The following TLE1 variants were observed in gnomAD, a reference collection of about 807,000 sequenced individuals.
TLE1 encodes transducin-like enhancer protein 1.
Under a neutral mutation model 89.8 loss-of-function variants are expected in TLE1, and 21 were observed. That is an observed-to-expected ratio of 0.23 (90% CI 0.17 to 0.34). The LOEUF (loss-of-function observed/expected upper bound fraction) is 0.34. Among genes scored for constraint, TLE1 ranks in the 10% least tolerant of loss-of-function variants. TLE1 has a pLI of 1.00. For missense variants in TLE1, 795 were observed against 1,031.2 expected (o/e 0.77, Z 3.14); for synonymous variants, 447 against 407.6 (o/e 1.10, Z -1.16).
intron 4 of TLE1, among the ~76,000 whole-genome samples, chr9:81,670,313 T>C (rs1266557190): frequency 6.6e-6 from 1 of 152,016 alleles, no homozygotes; most frequent in Non-Finnish European, 1.5e-5. Flanking sequence ...CAATGCAAAG[T>C]CTACACAAAA....
At position 81,591,069 on chromosome 9, in the gene TLE1, A is replaced by G; in HGVS notation, c.1582-17T>C. 6.2e-7 allele frequency: 1 copy of G among 1,604,390 alleles called. No homozygotes were observed. On this transcript the variant is annotated splice_polypyrimidine_tract_variant and intron_variant, in intron 15 of 19. Transcript: ENST00000376499. ...GTCTCTGTTCTGTAGAATAAACATA[A>G]TTCATTGCTATAATGAATTACCGAG...
intron 14 of TLE1, among the ~76,000 whole-genome samples, chr9:81,608,117 TA>T (rs1831927234): frequency 1.3e-5 from 2 of 152,100 alleles, no homozygotes; most frequent in Non-Finnish European, 2.9e-5. Flanking sequence ...CTGCTCAAAA[TA>T]ATTCACCATG....
chr9:81,591,113 C>G, intron 15 of TLE1, 61 bp from the exon 16 acceptor site: 1 of 1,566,444 alleles, frequency 6.4e-7, no homozygotes, highest in Admixed American at 1.8e-5. Flanking sequence ...GCACCATGTT[C>G]TCTAATGGCT....
intron 7 of TLE1, 59 bp from the exon 8 acceptor site, chr9:81,633,423 A>C: frequency 1.2e-6 from 2 of 1,613,448 alleles, no homozygotes; most frequent in Non-Finnish European, 1.7e-6. Context: ...AGAGGCAAGA[A>C]CAGAAATAAA....
intron 11 of TLE1, among the ~76,000 whole-genome samples, 179 bp downstream of exon 11, chr9:81,615,803 G>A (rs1240059266): frequency 6.6e-6 from 1 of 151,982 alleles, no homozygotes; most frequent in Admixed American, 6.6e-5. Context: ...AGAGATGACT[G>A]AGGGGAAAAA....
intron 14 of TLE1, among the ~76,000 whole-genome samples, chr9:81,598,101 A>T (rs1460248899): frequency 6.6e-6 from 1 of 152,148 alleles, no homozygotes; most frequent in East Asian, 1.9e-4. Flanking sequence ...TGGATGTGAA[A>T]TTGTTAGCTA....
At chr9:81,596,955 C>G (rs543293500) in intron 14 of TLE1, among the ~76,000 whole-genome samples, 16 of 152,230 alleles carry the variant, frequency 1.1e-4, no homozygotes, top group Admixed American at 4.6e-4. Flanking sequence ...TTTACTTATT[C>G]AAGAGGAAGT....
chr9:81,631,774 T>C (rs967539503), intron 8 of TLE1, among the ~76,000 whole-genome samples: 1 of 152,090 alleles, frequency 6.6e-6, no homozygotes, highest in Non-Finnish European at 1.5e-5. Context: ...CAGGGTTAGG[T>C]TTTTAAATTT....
intron 4 of TLE1, among the ~76,000 whole-genome samples, chr9:81,666,203 T>C (rs1195385341): frequency 1.3e-5 from 2 of 152,152 alleles, no homozygotes; most frequent in Non-Finnish European, 2.9e-5. Flanking sequence ...GAAAATGCAC[T>C]CTGTGGTGGA....
chr9:81,640,765 G>A (rs1196279123), intron 6 of TLE1, among the ~76,000 whole-genome samples: 1 of 152,106 alleles, frequency 6.6e-6, no homozygotes, highest in Non-Finnish European at 1.5e-5. Context: ...TACTGTAATG[G>A]TATAGTTTCT....
In TLE1 at chr9:81,642,612, T is replaced by A. The variant is rs1019948098; in HGVS notation, c.373-8311A>T. On this transcript the variant is annotated intron_variant, in intron 6 of 19. Transcript: ENST00000376499. ...CAGAGGCTGAGGCAGGAGAACTGCT[T>A]GAACCCAAGAGATAGAGGTTGCAGT... is the stretch of plus-strand genomic sequence containing the variant. Among the ~76,000 whole-genome samples, 4 of 151,922 alleles carry A rather than the reference T, an allele frequency of 2.6e-5. No individual in the cohort carries two copies. The East Asian group carries it at 7.7e-4, about 29-fold the overall frequency.
At chr9:81,646,407 C>T (rs1214869478) in intron 6 of TLE1, among the ~76,000 whole-genome samples, 2 of 152,062 alleles carry the variant, frequency 1.3e-5, no homozygotes, top group African/African-American at 2.4e-5. Context: ...TCACTAAATA[C>T]AAGTTAGTAG....
chr9:81,645,405 AT>A (rs1041046664), intron 6 of TLE1, among the ~76,000 whole-genome samples: 1 of 150,852 alleles, frequency 6.6e-6, no homozygotes, highest in Non-Finnish European at 1.5e-5. Context: ...TTCAATTGTA[AT>A]TTTAAAATAA....
intron 6 of TLE1, among the ~76,000 whole-genome samples, chr9:81,644,903 AG>A (rs1828633865): frequency 6.8e-6 from 1 of 147,582 alleles, no homozygotes; most frequent in Non-Finnish European, 1.5e-5. Context: ...CTGAGGCAGG[AG>A]AATCGTTTGA....
intron 4 of TLE1, among the ~76,000 whole-genome samples, chr9:81,682,192 TG>T (rs1366907393): frequency 6.6e-6 from 1 of 150,382 alleles, no homozygotes; most frequent in Non-Finnish European, 1.5e-5. Context: ...AGGCAAAGGC[TG>T]CAGTAAGCAG....
chr9:81,663,105 C>G (rs1361137675), intron 4 of TLE1, among the ~76,000 whole-genome samples: 1 of 152,118 alleles, frequency 6.6e-6, no homozygotes. Context: ...CTCGGCCCCC[C>G]AAAGTGCTGG....
chr9:81,637,752 C>T (rs145806488), intron 6 of TLE1, among the ~76,000 whole-genome samples: 169 of 151,496 alleles, frequency 1.1e-3, no homozygotes, highest in South Asian at 4.0e-3. Flanking sequence ...GGAAATGTGG[C>T]CATTCCACCT....
intron 8 of TLE1, among the ~76,000 whole-genome samples, 157 bp downstream of exon 8, chr9:81,633,190 GA>G (rs895203964): frequency 6.6e-6 from 1 of 151,900 alleles, no homozygotes; most frequent in Non-Finnish European, 1.5e-5. Context: ...AATTTTAAAG[GA>G]AAAAAAGTAA....
intron 4 of TLE1, among the ~76,000 whole-genome samples, chr9:81,654,492 C>T (rs1262554528): frequency 6.6e-6 from 1 of 152,164 alleles, no homozygotes; most frequent in African/African-American, 2.4e-5. Flanking sequence ...AGGCGCCCGC[C>T]ACCACTCCCG....
Sources: gnomAD v4.1 joint callset for allele counts (sites outside exome capture counted in the v4.1 genomes callset) on GRCh38, gnomAD v4.1.1 for gene constraint, MANE v1.5 for transcripts, NCBI Gene and HGNC (gene_info 2026-07-23, HGNC 2026-07-21) for gene names.